PTCD2: variants seen among roughly 807,000 people sequenced by gnomAD.
The protein encoded by PTCD2 is pentatricopeptide repeat domain 2.
Under a neutral mutation model 42.6 loss-of-function variants are expected in PTCD2, and 31 were observed. The ratio of observed to expected loss-of-function variants is 0.73; its 90% CI spans 0.55 to 0.98. The LOEUF (loss-of-function observed/expected upper bound fraction) is 0.98. Ranked by LOEUF, PTCD2 falls within the 50% of genes least tolerant of loss-of-function variation. The pLI, the probability that PTCD2 is intolerant of heterozygous loss-of-function variation, is 0.00. For synonymous variants in PTCD2, 183 were observed against 170.9 expected, an observed-to-expected ratio of 1.07 and a Z score of -0.55; for missense variants, 476 against 454.8, an observed-to-expected ratio of 1.05 and a Z score of -0.42.
intron 8 of PTCD2, among the ~76,000 whole-genome samples, chr5:72,352,050 G>A (rs1235923246): frequency 6.6e-6 from 1 of 152,210 alleles, no homozygotes; most frequent in Non-Finnish European, 1.5e-5. Flanking sequence ...GAGTCACTTA[G>A]CTGGTACTTG....
chr5:72,323,436 A>G (rs888827497), intron 2 of PTCD2, among the ~76,000 whole-genome samples: 2 of 152,020 alleles, frequency 1.3e-5, no homozygotes, highest in Non-Finnish European at 2.9e-5. Context: ...TCTTCCCAGC[A>G]TTTCATACCT....
Position 72,335,783 on chromosome 5 carries a change from A to G in PTCD2, c.548-11A>G. 3 of 1,599,288 alleles carry G rather than the reference A, an allele frequency of 1.9e-6. No homozygotes were observed. Among genetic ancestry groups the G allele is most frequent in the Non-Finnish European group, 2.6e-6 (3 of 1,166,466 alleles). On this transcript the variant is annotated splice_polypyrimidine_tract_variant and intron_variant, in intron 5 of 9. Transcript: ENST00000380639. ...ACTCTAACACTGCGATCCACTCTTC[A>G]CTTTTGGCAGGTGCTTTGCAAGTAT...
At chr5:72,344,356 C>T (rs1240509126) in intron 8 of PTCD2, among the ~76,000 whole-genome samples, 1 of 152,022 alleles carries the variant, frequency 6.6e-6, no homozygotes, top group African/African-American at 2.4e-5. Context: ...TACCAAAATA[C>T]AAAAAATTAG....
At chr5:72,340,994 T>C (rs1752026285) in intron 7 of PTCD2, among the ~76,000 whole-genome samples, 1 of 149,262 alleles carries the variant, frequency 6.7e-6, no homozygotes. Context: ...AGACAGAGTC[T>C]CACTCTGTCT....
intron 7 of PTCD2, among the ~76,000 whole-genome samples, chr5:72,340,568 A>G (rs998525210): frequency 2.0e-5 from 3 of 152,298 alleles, no homozygotes; most frequent in Admixed American, 6.5e-5. Flanking sequence ...GTATAGTTAA[A>G]TAGGTTGTTT....
At chr5:72,334,266 A>G (rs1751603333) in intron 4 of PTCD2, among the ~76,000 whole-genome samples, 2 of 152,266 alleles carry the variant, frequency 1.3e-5, no homozygotes, top group Non-Finnish European at 2.9e-5. Flanking sequence ...TCAAAAGGCG[A>G]ATAATCAATT....
At position 72,360,804 on chromosome 5, in the gene PTCD2, C is replaced by A. The variant is rs1285848434; in HGVS notation, c.*2377C>A. Reference sequence around the variant, plus strand: ...GGTTCAAGCAATTCTCATGCCCCAGCCTCCCAAGTAGCTGGGAATACAGTT... The same window carrying A: ...GGTTCAAGCAATTCTCATGCCCCAGACTCCCAAGTAGCTGGGAATACAGTT... On this transcript the variant is annotated 3_prime_UTR_variant, in exon 10 of 10. Transcript: ENST00000380639. 2.0e-5 allele frequency: 3 copies of A among 151,982 alleles called. No homozygotes were observed. The highest frequency in any genetic ancestry group is 4.8e-5 in the African/African-American group (2 of 41,348). 9.4% of individuals were successfully genotyped at this position (151,982 alleles called of 1,614,324 possible). A position where few individuals can be genotyped will look rare whatever the true frequency, so the allele number is the denominator to read the frequency against.
At chr5:72,343,754 A>C (rs1000479746) in intron 8 of PTCD2, among the ~76,000 whole-genome samples, 1 of 152,024 alleles carries the variant, frequency 6.6e-6, no homozygotes, top group African/African-American at 2.4e-5. Context: ...GCATATTACT[A>C]CTCCCAGAGT....
chr5:72,342,300 G>T (rs1561388723), intron 7 of PTCD2, among the ~76,000 whole-genome samples: 1 of 152,084 alleles, frequency 6.6e-6, no homozygotes, highest in Non-Finnish European at 1.5e-5. Flanking sequence ...TTGGTACGCA[G>T]TCTCTTCTCT....
intron 4 of PTCD2, among the ~76,000 whole-genome samples, chr5:72,332,763 C>A (rs975230975): frequency 1.3e-5 from 2 of 152,176 alleles, no homozygotes; most frequent in African/African-American, 4.8e-5. Context: ...AGCCGAACTT[C>A]TCTTGTTCCC....
chr5:72,352,181 C>T (rs1752654834), intron 8 of PTCD2, among the ~76,000 whole-genome samples: 1 of 152,136 alleles, frequency 6.6e-6, no homozygotes, highest in African/African-American at 2.4e-5. Flanking sequence ...TGGAGTCTTG[C>T]TCTGTTGCCA....
chr5:72,352,659 T>A lies in PTCD2; in HGVS notation c.847T>A (p.Ser283Thr), dbSNP rs1252734804. Residue 283 changes from serine to threonine, a missense_variant, in exon 9 of 10, where the codon TCA becomes ACA. Coordinates refer to ENST00000380639, the MANE Select transcript of PTCD2 (RefSeq NM_024754.5). Reference sequence around the variant, plus strand: ...TATTCAGATTATAATCCATATCCAGTCAAATATGTTGGAAAACCTGATAAA... The same window carrying A: ...TATTCAGATTATAATCCATATCCAGACAAATATGTTGGAAAACCTGATAAA... ...INLNIIIHIQ[S>T]NMLENLIKTL... 2.6e-6 allele frequency: 4 copies of A among 1,563,182 alleles called. No homozygotes were observed. In the African/African-American group the frequency reaches 4.1e-5, roughly 16 times the overall value.
intron 2 of PTCD2, among the ~76,000 whole-genome samples, chr5:72,322,620 A>T (rs979641494): frequency 4.6e-5 from 7 of 152,240 alleles, no homozygotes; most frequent in African/African-American, 1.7e-4. Flanking sequence ...CAGATCATTC[A>T]TATGCACAAT....
At chr5:72,357,084 G>A (rs949599213) in intron 9 of PTCD2, among the ~76,000 whole-genome samples, 7 of 152,076 alleles carry the variant, frequency 4.6e-5, no homozygotes, top group African/African-American at 7.2e-5. Context: ...ACTCTACTAC[G>A]TATGCCTCTA....
At chr5:72,352,784 T>A in intron 9 of PTCD2, 30 bp downstream of exon 9, 1 of 1,151,430 alleles carries the variant, frequency 8.7e-7, no homozygotes. Context: ...AGAAATCATT[T>A]AAAAGTGAAA....
At chr5:72,356,103 C>A (rs924260136) in intron 9 of PTCD2, among the ~76,000 whole-genome samples, 1 of 152,190 alleles carries the variant, frequency 6.6e-6, no homozygotes, top group African/African-American at 2.4e-5. Context: ...TCCACCCAAC[C>A]CTTTTGGAGT....
chr5:72,328,965 A>G (rs1751283940), intron 3 of PTCD2, among the ~76,000 whole-genome samples: 1 of 152,208 alleles, frequency 6.6e-6, no homozygotes, highest in African/African-American at 2.4e-5. Context: ...TTATTTTCCA[A>G]AAGTGTTATG....
intron 2 of PTCD2, among the ~76,000 whole-genome samples, chr5:72,325,659 G>A (rs1401067093): frequency 2.6e-5 from 4 of 152,220 alleles, no homozygotes; most frequent in Non-Finnish European, 5.9e-5. Flanking sequence ...TGAGAACAGT[G>A]CCTCTGCTTC....
rs1231396561 is a variant in PTCD2 at position 72,342,894 on chromosome 5, C to CT, written c.754-67dup. ...CCTTAATAGGAATATACTGCCCTCT[C>CT]TAAGTGATCTTTTACAATAACATTA... is the stretch of plus-strand genomic sequence containing the variant. On this transcript the variant is annotated intron_variant, in intron 7 of 9. Transcript: ENST00000380639. 16 of 974,186 alleles carry CT rather than the reference C, an allele frequency of 1.6e-5. No individual in the cohort carries two copies. In the Admixed American group the frequency reaches 3.4e-4, roughly 21 times the overall value. 60.3% of individuals were successfully genotyped at this position (974,186 alleles called of 1,614,324 possible). A position where few individuals can be genotyped will look rare whatever the true frequency, so the allele number is the denominator to read the frequency against.
Sources: gnomAD v4.1 joint callset for allele counts (sites outside exome capture counted in the v4.1 genomes callset) on GRCh38, gnomAD v4.1.1 for gene constraint, MANE v1.5 for transcripts, NCBI Gene and HGNC (gene_info 2026-07-23, HGNC 2026-07-21) for gene names.